LARP6: variants seen among roughly 807,000 people sequenced by gnomAD.
LARP6 encodes La ribonucleoprotein 6, translational regulator.
LARP6 carries 18 observed loss-of-function variants against 32.8 expected under a neutral mutation model. The ratio of observed to expected loss-of-function variants is 0.55; its 90% CI spans 0.38 to 0.81. LARP6 has a LOEUF of 0.81. Among genes scored for constraint, LARP6 ranks in the 40% least tolerant of loss-of-function variants. The pLI is 0.00. For synonymous variants in LARP6, 289 were observed against 267.2 expected (o/e 1.08, Z -0.80); for missense variants, 598 against 663.1 (o/e 0.90, Z 1.08).
At chr15:70,851,948 G>A in intron 1 of LARP6, 1 of 563,178 alleles carries the variant, frequency 1.8e-6, no homozygotes, top group South Asian at 2.1e-5. Context: ...AGCCCCCTAT[G>A]CTCAGGGAAC....
At position 70,832,923 on chromosome 15, in the gene LARP6, G is replaced by A. The variant is rs781176833; in HGVS notation, c.605C>T (p.Thr202Ile). ...TTGCACCCTTCCATTCTTCTGGGGG[G>A]TGGCCAGAGCCCACAGCTTAGGAGA... Reference protein sequence around the residue: ...YLSPKLWALATPQKNGRVQEK... With the variant: ...YLSPKLWALAIPQKNGRVQEK... Residue 202 changes from threonine to isoleucine, a missense_variant, in exon 3 of 3, where the codon ACC becomes ATC. By Grantham distance (89) the Thr-to-Ile change is moderately conservative. Around this residue, in one of 3 missense-constraint regions of LARP6, gnomAD observed 368 missense variants for 397.9 expected, o/e 0.92. Transcript: ENST00000299213. The A allele has an allele frequency of 2.7e-5, 44 of 1,601,972 alleles. No homozygotes were observed. Among genetic ancestry groups the A allele is most frequent in the Non-Finnish European group, 8.5e-7 (1 of 1,174,618 alleles).
chr15:70,848,303 T>C (rs1202577711), intron 1 of LARP6, among the ~76,000 whole-genome samples: 1 of 152,226 alleles, frequency 6.6e-6, no homozygotes, highest in Non-Finnish European at 1.5e-5. Flanking sequence ...TGTTCTGGCA[T>C]AAGCCTTTGA....
intron 1 of LARP6, chr15:70,851,758 A>G (rs766689759): frequency 1.2e-5 from 20 of 1,613,682 alleles, no homozygotes; most frequent in Admixed American, 3.3e-5. Context: ...ACAATTGTGG[A>G]AGGTGCTAGG....
At chr15:70,833,932 C>T (rs973265985) in intron 2 of LARP6, among the ~76,000 whole-genome samples, 4 of 152,152 alleles carry the variant, frequency 2.6e-5, no homozygotes, top group Non-Finnish European at 4.4e-5. Context: ...ATCAATGTTG[C>T]AGTATATGGA....
chr15:70,839,767 T>C (rs1431039895), intron 1 of LARP6, among the ~76,000 whole-genome samples: 1 of 152,102 alleles, frequency 6.6e-6, no homozygotes, highest in African/African-American at 2.4e-5. Context: ...GTCTTTACTC[T>C]AGAGGCTATA....
intron 1 of LARP6, among the ~76,000 whole-genome samples, chr15:70,843,824 T>C (rs2032300570): frequency 6.6e-6 from 1 of 151,588 alleles, no homozygotes; most frequent in Admixed American, 6.6e-5. Context: ...CCCGGCTAAT[T>C]TTTTGTATTT....
At chr15:70,849,393 AAAT>A (rs1451360268) in intron 1 of LARP6, 3 of 156,036 alleles carry the variant, frequency 1.9e-5, no homozygotes, top group Admixed American at 1.3e-4. Context: ...ACAAACAAAA[AAAT>A]ATATATATAT....
intron 2 of LARP6, among the ~76,000 whole-genome samples, chr15:70,834,191 A>G (rs1223175613): frequency 6.6e-6 from 1 of 152,190 alleles, no homozygotes; most frequent in Non-Finnish European, 1.5e-5. Flanking sequence ...GGAAAGGCTC[A>G]CTCACTGGGC....
chr15:70,832,446 A>T lies in LARP6; in HGVS notation c.1082T>A (p.Leu361His), dbSNP rs1383825989. 5.1e-6 allele frequency: 8 copies of T among 1,563,310 alleles called. No individual in the cohort carries two copies. Among genetic ancestry groups the T allele is most frequent in the Middle Eastern group, 1.7e-4 (1 of 5,800 alleles). Residue 361 changes from leucine to histidine, a missense_variant, in exon 3 of 3, where the codon CTC becomes CAC. Around this residue, in one of 3 missense-constraint regions of LARP6, gnomAD observed 368 missense variants for 397.9 expected, o/e 0.92. Coordinates refer to ENST00000299213, the MANE Select transcript of LARP6 (RefSeq NM_018357.4). ...GAGATTCTGGTGGCCAGACGGGCTGAGCTTGTTGGTGGCCGCGTGCCGTCG... is the reference window on the plus strand; with the variant it reads ...GAGATTCTGGTGGCCAGACGGGCTGTGCTTGTTGGTGGCCGCGTGCCGTCG... ...AGRRHAATNK[L>H]SPSGHQNLFL...
At chr15:70,840,383 T>C (rs1232804369) in intron 1 of LARP6, among the ~76,000 whole-genome samples, 1 of 151,868 alleles carries the variant, frequency 6.6e-6, no homozygotes, top group Non-Finnish European at 1.5e-5. Context: ...CTACCAAAAA[T>C]ATAAAAATTA....
Position 70,831,825 on chromosome 15 carries a change from T to A in LARP6, c.*227A>T, listed in dbSNP as rs557998994. ...TCACACTCACACACATCAGCCATCA[T>A]CAAAATAGTGGCCATGCTGGGAAGA... On this transcript the variant is annotated 3_prime_UTR_variant, in exon 3 of 3. Transcript: ENST00000299213. 16 of 372,016 alleles carry A rather than the reference T, an allele frequency of 4.3e-5. No homozygotes were observed. Among genetic ancestry groups the A allele is most frequent in the African/African-American group, 2.9e-4 (14 of 48,042 alleles). The allele number at this position is 372,016 out of a possible 1,614,324, so 23.0% of individuals were successfully genotyped here.
At chr15:70,853,214 A>ACCCCCCCCCCCCCCCC (rs10709838) in intron 1 of LARP6, 8 of 100,934 alleles carry the variant, frequency 7.9e-5, no homozygotes, top group Admixed American at 1.1e-4. Flanking sequence ...ACCCAGGAAC[A>ACCCCCCCCCCCCCCCC]CCCCCCCCCC....
At chr15:70,836,554 TC>T in intron 1 of LARP6, 49 bp from the exon 2 acceptor site, 1 of 1,515,036 alleles carries the variant, frequency 6.6e-7, no homozygotes, top group Non-Finnish European at 9.2e-7. Flanking sequence ...TTGAACTGTG[TC>T]CCCCAAAAAT....
chr15:70,846,490 T>C (rs1192929344), intron 1 of LARP6, among the ~76,000 whole-genome samples: 3 of 151,978 alleles, frequency 2.0e-5, no homozygotes, highest in East Asian at 3.9e-4. Flanking sequence ...ACACCTGTAG[T>C]CTAGGCTATT....
Position 70,854,037 on chromosome 15 carries a change from T to C in LARP6, c.52A>G (p.Ile18Val), listed in dbSNP as rs980785389. 9.7e-6 allele frequency: 14 copies of C among 1,446,360 alleles called. No homozygotes were observed. The highest frequency in any genetic ancestry group is 1.2e-5 in the Non-Finnish European group (13 of 1,093,030). 89.6% of individuals were successfully genotyped at this position (1,446,360 alleles called of 1,614,324 possible). A position where few individuals can be genotyped will look rare whatever the true frequency, so the allele number is the denominator to read the frequency against. ...ARPGPKTAVQ[I>V]RVAIQEAEDV... ...TCGGCCTCCTGGATGGCGACGCGGA[T>C]CTGCACCGCCGTCTTGGGCCCGGGC... The change falls in exon 1 of 3, where the codon ATC becomes GTC. Residue 18 changes from isoleucine (I) to valine (V), a missense_variant. Ile to Val is a conservative substitution (Grantham distance 29, BLOSUM62 3). Coordinates refer to ENST00000299213, the MANE Select transcript of LARP6 (RefSeq NM_018357.4).
At chr15:70,834,711 T>C (rs745634006) in intron 2 of LARP6, among the ~76,000 whole-genome samples, 3 of 152,130 alleles carry the variant, frequency 2.0e-5, no homozygotes, top group Non-Finnish European at 2.9e-5. Context: ...TCGGTTACAG[T>C]CTGAGCATCC....
chr15:70,847,660 G>A (rs2032372584), intron 1 of LARP6, among the ~76,000 whole-genome samples: 1 of 152,038 alleles, frequency 6.6e-6, no homozygotes, highest in Non-Finnish European at 1.5e-5. Context: ...TGTCATATTT[G>A]TAAATGATTT....
intron 2 of LARP6, among the ~76,000 whole-genome samples, chr15:70,835,717 C>T (rs1398053961): frequency 6.6e-6 from 1 of 152,158 alleles, no homozygotes; most frequent in African/African-American, 2.4e-5. Flanking sequence ...AGTACACAGC[C>T]CAAACACTGG....
chr15:70,842,413 A>G (rs1282385094), intron 1 of LARP6, among the ~76,000 whole-genome samples: 1 of 151,474 alleles, frequency 6.6e-6, no homozygotes, highest in East Asian at 1.9e-4. Context: ...TCCCCTAGCA[A>G]CCTCTACACT....
Sources: allele counts gnomAD v4.1 joint callset (sites outside exome capture counted in the v4.1 genomes callset), GRCh38; gene constraint gnomAD v4.1.1; regional missense constraint gnomAD v4.1.1; transcripts MANE v1.5; gene names NCBI Gene and HGNC (gene_info 2026-07-23, HGNC 2026-07-21).